The following NELL1 variants were observed in gnomAD, a reference collection of about 807,000 sequenced individuals.
NELL1 encodes the protein protein kinase C-binding protein NELL1.
NELL1 carries 76 observed loss-of-function variants against 107.4 expected under a neutral mutation model. That is an observed-to-expected ratio of 0.71 (90% CI 0.59 to 0.86). The LOEUF (loss-of-function observed/expected upper bound fraction) is 0.86. Ranked by LOEUF, NELL1 falls within the 40% of genes least tolerant of loss-of-function variation. The probability of loss-of-function intolerance (pLI) is 0.00; values close to 1 mark genes in which losing one functional copy is unlikely to be tolerated. For missense variants in NELL1, 1,024 were observed against 1,005.5 expected, an observed-to-expected ratio of 1.02 and a Z score of -0.25; for synonymous variants, 353 against 341.2, an observed-to-expected ratio of 1.03 and a Z score of -0.38.
chr11:20,863,518 G>A lies in NELL1; in HGVS notation c.506+15765G>A, dbSNP rs559035155. Among the ~76,000 whole-genome samples the A allele has an allele frequency of 4.8e-4, 73 of 151,046 alleles. 4 individuals are homozygous for A. The South Asian group carries it at 0.014, about 30-fold the overall frequency. Reference sequence around the variant, plus strand: ...TCACCTCCCAGACGGGGTCGCGGCCGGGCAGAGGTGCTCCTCACATCCCAG... The same window carrying A: ...TCACCTCCCAGACGGGGTCGCGGCCAGGCAGAGGTGCTCCTCACATCCCAG... On this transcript the variant is annotated intron_variant, in intron 4 of 19. Transcript: ENST00000357134.
At chr11:21,503,185 A>G (rs1184460255) in intron 15 of NELL1, among the ~76,000 whole-genome samples, 1 of 152,156 alleles carries the variant, frequency 6.6e-6, no homozygotes, top group Non-Finnish European at 1.5e-5. Flanking sequence ...CCAGCCTAAT[A>G]ATTTCCTTTG....
At chr11:20,755,372 G>A (rs1856236756) in intron 2 of NELL1, among the ~76,000 whole-genome samples, 1 of 152,052 alleles carries the variant, frequency 6.6e-6, no homozygotes, top group Non-Finnish European at 1.5e-5. Context: ...TTAGAACCAA[G>A]CCTCTCATTT....
At chr11:21,213,106 A>G (rs542333933) in intron 13 of NELL1, among the ~76,000 whole-genome samples, 2 of 152,176 alleles carry the variant, frequency 1.3e-5, no homozygotes, top group African/African-American at 2.4e-5. Context: ...ATCATATATA[A>G]TTGCTCCAAA....
At chr11:20,682,841 A>G (rs990036708) in intron 2 of NELL1, among the ~76,000 whole-genome samples, 1 of 152,020 alleles carries the variant, frequency 6.6e-6, no homozygotes, top group Non-Finnish European at 1.5e-5. Context: ...AGAATCATAC[A>G]GTATGTGCTT....
chr11:21,038,586 A>G (rs1226880915), intron 12 of NELL1, among the ~76,000 whole-genome samples: 2 of 152,132 alleles, frequency 1.3e-5, no homozygotes. Context: ...TACCAACTCA[A>G]ACGCCACTGC....
chr11:20,698,422 G>C (rs1365574045), intron 2 of NELL1, among the ~76,000 whole-genome samples: 2 of 152,156 alleles, frequency 1.3e-5, no homozygotes, highest in African/African-American at 4.8e-5. Flanking sequence ...CAGAGATGGA[G>C]AGAGACAGCA....
At chr11:20,832,220 T>C (rs1012524426) in intron 3 of NELL1, among the ~76,000 whole-genome samples, 1 of 152,236 alleles carries the variant, frequency 6.6e-6, no homozygotes, top group Non-Finnish European at 1.5e-5. Context: ...TAAGCACTGT[T>C]CTTCTTAGTG....
chr11:21,477,142 C>T (rs955577816), intron 15 of NELL1, among the ~76,000 whole-genome samples: 3 of 152,098 alleles, frequency 2.0e-5, no homozygotes, highest in Non-Finnish European at 4.4e-5. Context: ...GGAGTGCTTG[C>T]ACCACCCCTC....
chr11:21,356,493 CTG>C (rs926443482), intron 14 of NELL1, among the ~76,000 whole-genome samples: 2 of 152,134 alleles, frequency 1.3e-5, no homozygotes, highest in African/African-American at 4.8e-5. Flanking sequence ...ACTGGGATAA[CTG>C]AGAGTGTCAC....
At chr11:21,547,786 A>G (rs904828872) in intron 16 of NELL1, among the ~76,000 whole-genome samples, 3 of 151,908 alleles carry the variant, frequency 2.0e-5, no homozygotes, top group African/African-American at 7.2e-5. Context: ...AAATTCTCAT[A>G]ATGAACCTTC....
At chr11:21,318,428 G>C (rs1849928093) in intron 14 of NELL1, among the ~76,000 whole-genome samples, 1 of 151,952 alleles carries the variant, frequency 6.6e-6, no homozygotes, top group Admixed American at 6.6e-5. Flanking sequence ...TCATTTCTAG[G>C]GGCTTCTCCA....
At chr11:21,463,414 G>A (rs1853948856) in intron 15 of NELL1, among the ~76,000 whole-genome samples, 1 of 152,100 alleles carries the variant, frequency 6.6e-6, no homozygotes, top group Non-Finnish European at 1.5e-5. Flanking sequence ...ATATGCAGAT[G>A]ATTGTGGGAC....
intron 13 of NELL1, among the ~76,000 whole-genome samples, chr11:21,156,798 A>G (rs1223405080): frequency 6.6e-6 from 1 of 152,124 alleles, no homozygotes; most frequent in Non-Finnish European, 1.5e-5. Context: ...AGCTATTAAT[A>G]TATACCAAAT....
In NELL1 at chr11:21,575,600, C is replaced by T. The variant is rs1857200877; in HGVS notation, c.*578C>T. On this transcript the variant is annotated 3_prime_UTR_variant, in exon 20 of 20. Transcript: ENST00000357134. The stretch of plus-strand genomic sequence containing the variant: ...TGCCTACTCATTCAGCTTAAACAGG[C>T]TGAAGCCAAGTATGACAAAGAGGGG... The T allele has an allele frequency of 6.6e-6, 1 of 151,558 alleles. No individual in the cohort carries two copies. Among genetic ancestry groups the T allele is most frequent in the South Asian group, 2.1e-4 (1 of 4,816 alleles). The allele number at this position is 151,558 out of a possible 1,614,324, so 9.4% of individuals were successfully genotyped here. A position where few individuals can be genotyped will look rare whatever the true frequency, so the allele number is the denominator to read the frequency against.
At chr11:21,514,183 A>G (rs1047126252) in intron 15 of NELL1, among the ~76,000 whole-genome samples, 1 of 152,238 alleles carries the variant, frequency 6.6e-6, no homozygotes, top group Non-Finnish European at 1.5e-5. Context: ...AAATATCAAA[A>G]TAATACATTA....
intron 13 of NELL1, among the ~76,000 whole-genome samples, chr11:21,190,967 G>A (rs1353681378): frequency 2.6e-5 from 4 of 151,678 alleles, no homozygotes; most frequent in Non-Finnish European, 4.4e-5. Context: ...TGTAATGTTG[G>A]GCATATTGCA....
intron 12 of NELL1, among the ~76,000 whole-genome samples, chr11:21,100,283 G>A (rs1296142206): frequency 6.6e-6 from 1 of 152,156 alleles, no homozygotes. Context: ...TTCCCAAAGT[G>A]CTAGGATTAC....
chr11:21,236,438 A>G (rs1858209048), intron 14 of NELL1, among the ~76,000 whole-genome samples: 1 of 152,196 alleles, frequency 6.6e-6, no homozygotes, highest in Non-Finnish European at 1.5e-5. Flanking sequence ...CTGAAAAATC[A>G]AAGACAAATT....
chr11:20,976,874 T>C (rs945163905), intron 12 of NELL1, among the ~76,000 whole-genome samples: 4 of 152,198 alleles, frequency 2.6e-5, no homozygotes, highest in Non-Finnish European at 4.4e-5. Context: ...TAGTGAGTTA[T>C]GAAAGTTTGT....
Sources: gnomAD v4.1 joint callset for allele counts (sites outside exome capture counted in the v4.1 genomes callset) on GRCh38, gnomAD v4.1.1 for gene constraint, MANE v1.5 for transcripts, NCBI Gene and HGNC (gene_info 2026-07-23, HGNC 2026-07-21) for gene names.